POLQ: variants seen among roughly 807,000 people sequenced by gnomAD.
The protein encoded by POLQ is epididymis secretory sperm binding protein.
POLQ carries 233 observed loss-of-function variants against 259.2 expected under a neutral mutation model. The ratio of observed to expected loss-of-function variants is 0.90; its 90% CI spans 0.81 to 1.00. The LOEUF is 1.00. Among genes scored for constraint, POLQ ranks in the 50% least tolerant of loss-of-function variants. The probability of loss-of-function intolerance (pLI) is 0.00; values close to 1 mark genes in which losing one functional copy is unlikely to be tolerated. For synonymous variants in POLQ, 1,025 were observed against 1,048.8 expected (o/e 0.98, Z 0.44); for missense variants, 2,871 against 3,051.6 (o/e 0.94, Z 1.39).
At chr3:121,514,339 A>AAAC (rs763299376) in intron 9 of POLQ, among the ~76,000 whole-genome samples, 1 of 149,756 alleles carries the variant, frequency 6.7e-6, no homozygotes, top group Non-Finnish European at 1.5e-5. Context: ...TTAAAAAAAA[A>AAAC]AACAACAACA....
At position 121,432,301 on chromosome 3, in the gene POLQ, C is replaced by A; in HGVS notation, c.*3G>T. On this transcript the variant is annotated 3_prime_UTR_variant, in exon 30 of 30. Transcript: ENST00000264233. ...CCCTGGGAGGACTTCATCAACAGCA[C>A]AGTTACACATCAAAGTCCTTTAGCT... 6.3e-7 allele frequency: 1 copy of A among 1,592,784 alleles called. No individual in the cohort carries two copies. Among genetic ancestry groups the A allele is most frequent in the Middle Eastern group, 1.7e-4 (1 of 6,016 alleles).
chr3:121,529,938 AG>A, intron 6 of POLQ, 146 bp from the exon 7 acceptor site: 1 of 580,076 alleles, frequency 1.7e-6, no homozygotes, highest in Non-Finnish European at 2.9e-6. Flanking sequence ...AACAAAAGAA[AG>A]GAAAAAAAGA....
Position 121,483,420 on chromosome 3 carries a change from C to A in POLQ, c.5936G>T (p.Gly1979Val). 6.3e-7 allele frequency: 1 copy of A among 1,584,026 alleles called. No individual in the cohort carries two copies. The highest frequency in any genetic ancestry group is 8.5e-7 in the Non-Finnish European group (1 of 1,170,204). ...QSYKILLLSCGISLEQSYEDP... is the reference protein window; with the variant it reads ...QSYKILLLSCVISLEQSYEDP... ...TTCATAACTTTGCTCCAAGGAGATG[C>A]CACAAGAAAGAAGAAGAATTTTATA... is the stretch of plus-strand genomic sequence containing the variant. Residue 1979 changes from glycine (G) to valine (V), a missense_variant, in exon 18 of 30, where the codon GGC (glycine) becomes GTC (valine). Coordinates refer to ENST00000264233, the MANE Select transcript of POLQ (RefSeq NM_199420.4).
At chr3:121,464,035 C>T (rs555191546) in intron 24 of POLQ, among the ~76,000 whole-genome samples, 2 of 152,134 alleles carry the variant, frequency 1.3e-5, no homozygotes, top group South Asian at 4.1e-4. Flanking sequence ...TAACTGTACT[C>T]CAGTTCAATA....
intron 12 of POLQ, among the ~76,000 whole-genome samples, chr3:121,500,594 G>A (rs956640803): frequency 2.6e-5 from 4 of 152,138 alleles, no homozygotes; most frequent in Non-Finnish European, 5.9e-5. Flanking sequence ...GAAACATTAA[G>A]TGTACCAACA....
chr3:121,442,868 T>C (rs1229529190), intron 26 of POLQ, among the ~76,000 whole-genome samples: 1 of 152,124 alleles, frequency 6.6e-6, no homozygotes, highest in East Asian at 1.9e-4. Flanking sequence ...TTTTGTTTTG[T>C]TTTGTTTTTG....
intron 1 of POLQ, 47 bp downstream of exon 1, chr3:121,545,668 G>T (rs1175892744): frequency 6.7e-7 from 1 of 1,503,280 alleles, no homozygotes; most frequent in Non-Finnish European, 8.9e-7. Flanking sequence ...CCCATGGCCC[G>T]GCGGAGCTGC....
At chr3:121,443,140 G>A (rs2047607482) in intron 26 of POLQ, among the ~76,000 whole-genome samples, 1 of 144,628 alleles carries the variant, frequency 6.9e-6, no homozygotes, top group Non-Finnish European at 1.5e-5. Flanking sequence ...ACAGGCGTGA[G>A]CCACCATGCC....
intron 26 of POLQ, among the ~76,000 whole-genome samples, chr3:121,440,602 C>T (rs1475818537): frequency 6.6e-6 from 1 of 152,186 alleles, no homozygotes. Context: ...TCCCAAAGTG[C>T]TAGGATTACA....
At chr3:121,542,198 A>C (rs914348205) in intron 2 of POLQ, among the ~76,000 whole-genome samples, 1 of 152,030 alleles carries the variant, frequency 6.6e-6, no homozygotes, top group African/African-American at 2.4e-5. Flanking sequence ...TATGGAAATG[A>C]AACAGAATTT....
chr3:121,489,017 T>C lies in POLQ; in HGVS notation c.3914A>G (p.Asn1305Ser). The stretch of plus-strand genomic sequence containing the variant: ...TAAACCTAAGTCAGAAACATGATTA[T>C]TTTTAGTTTTGTTTGTTGTATAAGT... ...TGTYTTNKTK[N>S]NHVSDLGLVL... Residue 1305 changes from asparagine (N) to serine (S), a missense_variant, in exon 16 of 30, where the codon AAT (asparagine) becomes AGT (serine). Asn to Ser is a conservative substitution (Grantham distance 46). Transcript: ENST00000264233. 1 of 1,612,594 alleles carries C rather than the reference T, an allele frequency of 6.2e-7. No individual in the cohort carries two copies. Among genetic ancestry groups the C allele is most frequent in the Non-Finnish European group, 8.5e-7 (1 of 1,178,952 alleles).
At chr3:121,457,018 A>C (rs1376825243) in intron 25 of POLQ, among the ~76,000 whole-genome samples, 1 of 152,236 alleles carries the variant, frequency 6.6e-6, no homozygotes, top group Non-Finnish European at 1.5e-5. Flanking sequence ...ACAGCATGGT[A>C]CTGGTACCAA....
chr3:121,444,506 G>A (rs2108775852), intron 26 of POLQ, among the ~76,000 whole-genome samples: 1 of 152,178 alleles, frequency 6.6e-6, no homozygotes, highest in East Asian at 1.9e-4. Flanking sequence ...GGAGTCATTA[G>A]GTTTTTCCAT....
At chr3:121,539,227 A>C (rs1263927910) in intron 4 of POLQ, among the ~76,000 whole-genome samples, 1 of 152,196 alleles carries the variant, frequency 6.6e-6, no homozygotes, top group Non-Finnish European at 1.5e-5. Context: ...AAGTACAAAA[A>C]TGCAACGTAA....
intron 6 of POLQ, among the ~76,000 whole-genome samples, chr3:121,532,659 G>A (rs577394405): frequency 1.1e-4 from 17 of 151,030 alleles, no homozygotes; most frequent in Non-Finnish European, 1.5e-4. Flanking sequence ...TCAGCCTCCC[G>A]AGTAGCTGGG....
chr3:121,454,112 T>C (rs899148055), intron 25 of POLQ, among the ~76,000 whole-genome samples: 1 of 152,142 alleles, frequency 6.6e-6, no homozygotes, highest in Non-Finnish European at 1.5e-5. Flanking sequence ...CAACCCAGAA[T>C]TTCATATCCA....
Position 121,483,316 on chromosome 3 carries a change from A to G in POLQ, c.5970+70T>C, listed in dbSNP as rs946230670. On this transcript the variant is annotated intron_variant, in intron 18 of 29. Coordinates refer to ENST00000264233, the MANE Select transcript of POLQ (RefSeq NM_199420.4). The stretch of plus-strand genomic sequence containing the variant: ...GCTGCATTATTGATGCTAAGTAAAT[A>G]CCAAGTCATTTAAGAATTAACACTA... 14 of 821,214 alleles carry G rather than the reference A, an allele frequency of 1.7e-5. No homozygotes were observed. The African/African-American group carries it at 2.5e-4, about 15-fold the overall frequency. The allele number at this position is 821,214 out of a possible 1,614,324, so 50.9% of individuals were successfully genotyped here.
intron 23 of POLQ, 123 bp from the exon 24 acceptor site, chr3:121,467,763 G>A (rs1201479617): frequency 1.0e-6 from 1 of 969,894 alleles, no homozygotes; most frequent in African/African-American, 1.6e-5. Context: ...ACTGAGGGCT[G>A]GGTGTGGTAG....
rs2048530145 is a variant in POLQ, at chr3:121,545,839, T to C, written c.39A>G (p.Ser13=). 2 of 1,614,004 alleles carry C rather than the reference T, an allele frequency of 1.2e-6. No homozygotes were observed. The highest frequency in any genetic ancestry group is 1.7e-6 in the Non-Finnish European group (2 of 1,179,978). The change falls in exon 1 of 30, where the codon TCA becomes TCG. Residue 13 remains serine, a synonymous_variant. Coordinates refer to ENST00000264233, the MANE Select transcript of POLQ (RefSeq NM_199420.4). ...LLRRSGKRRR[S]ESGSDSFSGS... Reference sequence around the variant, plus strand: ...CCGAGAACGAATCTGAGCCTGATTCTGAACGCCGCCGTTTCCCACTCCGAC... The same window carrying C: ...CCGAGAACGAATCTGAGCCTGATTCCGAACGCCGCCGTTTCCCACTCCGAC...
Sources: gnomAD v4.1 joint callset for allele counts (sites outside exome capture counted in the v4.1 genomes callset) on GRCh38, gnomAD v4.1.1 for gene constraint, MANE v1.5 for transcripts, NCBI Gene and HGNC (gene_info 2026-07-23, HGNC 2026-07-21) for gene names.